The following RAI14 variants were observed in gnomAD, a reference collection of about 807,000 sequenced individuals.
The protein encoded by RAI14 is retinoic acid induced 14.
A neutral mutation model predicts 115.4 loss-of-function variants in RAI14; 45 were observed. The observed-to-expected ratio is 0.39, with a 90% CI of 0.31 to 0.50. RAI14 has a LOEUF of 0.50. RAI14 is among the 20% of genes least tolerant of loss of function. The probability of loss-of-function intolerance (pLI) is 0.85; values close to 1 mark genes in which losing one functional copy is unlikely to be tolerated. For missense variants in RAI14, 939 were observed against 1,131.2 expected (o/e 0.83, Z 2.44); for synonymous variants, 371 against 415.4 (o/e 0.89, Z 1.30).
At chr5:34,697,205 G>A (rs1464473749) in intron 2 of RAI14, among the ~76,000 whole-genome samples, 1 of 152,076 alleles carries the variant, frequency 6.6e-6, no homozygotes, top group African/African-American at 2.4e-5. Context: ...GGGAGGCCGA[G>A]GTGGGTGGAT....
intron 2 of RAI14, among the ~76,000 whole-genome samples, chr5:34,730,784 AC>A (rs1346689218): frequency 2.8e-5 from 4 of 145,150 alleles, no homozygotes; most frequent in Non-Finnish European, 6.3e-5. Context: ...GCAGTTCAAG[AC>A]CAGCCTGGCC....
At chr5:34,793,184 G>T (rs910163160) in intron 3 of RAI14, among the ~76,000 whole-genome samples, 1 of 152,202 alleles carries the variant, frequency 6.6e-6, no homozygotes, top group South Asian at 2.1e-4. Context: ...ATTGAGCGCA[G>T]CTTCCTAACA....
chr5:34,748,365 G>C (rs1746561521), intron 2 of RAI14, among the ~76,000 whole-genome samples: 1 of 152,222 alleles, frequency 6.6e-6, no homozygotes, highest in African/African-American at 2.4e-5. Context: ...TGCTGGTTAG[G>C]TGCTTGCCGT....
chr5:34,676,484 A>G (rs948358663), intron 1 of RAI14, among the ~76,000 whole-genome samples: 4 of 152,184 alleles, frequency 2.6e-5, no homozygotes, highest in African/African-American at 9.7e-5. Flanking sequence ...GTTTTGATTA[A>G]GCCATGCTTT....
At chr5:34,723,469 T>C (rs1353134264) in intron 2 of RAI14, among the ~76,000 whole-genome samples, 2 of 152,212 alleles carry the variant, frequency 1.3e-5, no homozygotes, top group Non-Finnish European at 2.9e-5. Flanking sequence ...GAAGCCCACG[T>C]ACATTATGGA....
chr5:34,686,789 C>CT, intron 1 of RAI14, 83 bp from the exon 2 acceptor site: 4 of 835,978 alleles, frequency 4.8e-6, no homozygotes, highest in Non-Finnish European at 7.5e-6. Flanking sequence ...GCTCTGTCTC[C>CT]TTCCCATGAC....
intron 3 of RAI14, among the ~76,000 whole-genome samples, chr5:34,794,251 C>T (rs1326117034): frequency 2.0e-5 from 3 of 152,022 alleles, no homozygotes; most frequent in East Asian, 1.9e-4. Context: ...GGTGAAACCC[C>T]GTCTCTACTA....
At chr5:34,776,803 T>TCAAAA (rs1279080501) in intron 3 of RAI14, among the ~76,000 whole-genome samples, 4 of 144,872 alleles carry the variant, frequency 2.8e-5, no homozygotes, top group Non-Finnish European at 4.6e-5. Context: ...TGAGACCCTT[T>TCAAAA]ATTAAAAAAA....
At chr5:34,739,107 CG>C (rs771452917) in intron 2 of RAI14, among the ~76,000 whole-genome samples, 2 of 152,184 alleles carry the variant, frequency 1.3e-5, no homozygotes, top group Non-Finnish European at 2.9e-5. Context: ...TTCAAAATAA[CG>C]GAGTGGAATT....
intron 2 of RAI14, among the ~76,000 whole-genome samples, chr5:34,744,669 T>C (rs1413994251): frequency 6.6e-6 from 1 of 152,236 alleles, no homozygotes; most frequent in Non-Finnish European, 1.5e-5. Context: ...GCAAGATGCT[T>C]ATATTTTCTT....
chr5:34,702,496 G>A (rs2149934761), intron 2 of RAI14, among the ~76,000 whole-genome samples: 1 of 152,282 alleles, frequency 6.6e-6, no homozygotes, highest in East Asian at 1.9e-4. Context: ...GGGCAAGTGA[G>A]CGGGGGAAGA....
intron 3 of RAI14, among the ~76,000 whole-genome samples, chr5:34,768,213 A>G (rs771528751): frequency 6.8e-4 from 96 of 140,746 alleles, no homozygotes; most frequent in Admixed American, 2.0e-3. Context: ...TCCCAACCCT[A>G]CATTTCCCTT....
intron 2 of RAI14, among the ~76,000 whole-genome samples, chr5:34,729,865 T>G (rs1476193779): frequency 6.6e-6 from 1 of 152,184 alleles, no homozygotes; most frequent in African/African-American, 2.4e-5. Flanking sequence ...ATGAGACAGT[T>G]GGGAAAATTT....
intron 3 of RAI14, among the ~76,000 whole-genome samples, chr5:34,758,714 C>G (rs910758496): frequency 6.6e-6 from 1 of 152,100 alleles, no homozygotes; most frequent in African/African-American, 2.4e-5. Context: ...TGGCTGTTGT[C>G]TGATTTTATA....
rs777338809 is a variant in RAI14, at chr5:34,811,845, C to T, written c.636C>T (p.Asn212=). The T allele has an allele frequency of 8.1e-6, 13 of 1,612,974 alleles. No homozygotes were observed. Among genetic ancestry groups the T allele is most frequent in the East Asian group, 2.2e-5 (1 of 44,852 alleles). ...TAATTAAAAAGGGTGCAGACCTAAA[C>T]CTTGTAGATTCTCTTGGATACAATG... is the stretch of plus-strand genomic sequence containing the variant. ...EALIKKGADL[N]LVDSLGYNAL... Residue 212 remains asparagine (N), a synonymous_variant, in exon 9 of 18, where the codon AAC becomes AAT. Coordinates refer to ENST00000265109, the MANE Select transcript of RAI14 (RefSeq NM_015577.3).
chr5:34,720,216 G>A (rs1035442435), intron 2 of RAI14, among the ~76,000 whole-genome samples: 3 of 152,080 alleles, frequency 2.0e-5, no homozygotes, highest in Admixed American at 2.0e-4. Flanking sequence ...CCAAAAAGAA[G>A]TTTCGCAGAA....
rs576272034 is a variant in RAI14, at chr5:34,666,491, A to G, written c.-49+10016A>G. ...ATGGGGACCTGAAGAAGACAGGGCC[A>G]CACTTTTAGTTGAGGAACTGACCCT... On this transcript the variant is annotated intron_variant, in intron 1 of 17. Coordinates refer to ENST00000265109, the MANE Select transcript of RAI14 (RefSeq NM_015577.3). 2.0e-5 allele frequency among the ~76,000 whole-genome samples: 3 copies of G among 152,306 alleles called. No individual in the cohort carries two copies. The East Asian group carries it at 5.8e-4, about 29-fold the overall frequency.
In RAI14 at chr5:34,830,958, A is replaced by G. The variant is rs1580393545; in HGVS notation, c.*193A>G. 2 of 981,140 alleles carry G rather than the reference A, an allele frequency of 2.0e-6. No homozygotes were observed. Among genetic ancestry groups the G allele is most frequent in the East Asian group, 6.2e-5 (2 of 32,332 alleles). The allele number at this position is 981,140 out of a possible 1,614,324, so 60.8% of individuals were successfully genotyped here. On this transcript the variant is annotated 3_prime_UTR_variant, in exon 18 of 18. Transcript: ENST00000265109. The stretch of plus-strand genomic sequence containing the variant: ...GCCTCAGAACTGCTTAGAGACTTCA[A>G]ACCAGCAGAGGTGAAAGTCCCTGTC...
chr5:34,670,556 C>A (rs1374272643), intron 1 of RAI14, among the ~76,000 whole-genome samples: 2 of 152,098 alleles, frequency 1.3e-5, no homozygotes, highest in African/African-American at 4.8e-5. Context: ...CTCTTTATCA[C>A]CCTGCCTTTA....
Sources: gnomAD v4.1 joint callset for allele counts (sites outside exome capture counted in the v4.1 genomes callset) on GRCh38, gnomAD v4.1.1 for gene constraint, MANE v1.5 for transcripts, NCBI Gene and HGNC (gene_info 2026-07-23, HGNC 2026-07-21) for gene names.